Variants in UBE2R2 observed in about 807,000 individuals in gnomAD.
The protein encoded by UBE2R2 is ubiquitin-conjugating enzyme E2 R2.
UBE2R2 carries 1 observed loss-of-function variant against 27.8 expected under a neutral mutation model. The observed-to-expected ratio is 0.04, with a 90% CI of 0.01 to 0.17. UBE2R2 has a LOEUF of 0.17. Ranked by LOEUF, UBE2R2 falls within the 10% of genes least tolerant of loss-of-function variation. The pLI is 1.00. For missense variants in UBE2R2, 100 were observed against 291.0 expected, an observed-to-expected ratio of 0.34 and a Z score of 4.78; for synonymous variants, 106 against 113.3, an observed-to-expected ratio of 0.94 and a Z score of 0.41.
At chr9:33,886,121 T>C (rs1821846337) in intron 1 of UBE2R2, among the ~76,000 whole-genome samples, 1 of 152,166 alleles carries the variant, frequency 6.6e-6, no homozygotes, top group Non-Finnish European at 1.5e-5. Flanking sequence ...TTTTTAAAAA[T>C]ACGTTTTGTA....
rs1004646729 is a variant in UBE2R2, at chr9:33,895,053, A to T, written c.265-5121A>T. Among the ~76,000 whole-genome samples the T allele has an allele frequency of 1.3e-5, 2 of 152,316 alleles. 1 individual carries two copies. The highest frequency in any genetic ancestry group is 3.8e-4 in the East Asian group (2 of 5,196). ...TGTTACTGAGTTTTAGGAATTCCTT[A>T]TATATTATACATATTAAACCTTTAT... On this transcript the variant is annotated intron_variant, in intron 2 of 4. Coordinates refer to ENST00000263228, the MANE Select transcript of UBE2R2 (RefSeq NM_017811.4).
intron 1 of UBE2R2, among the ~76,000 whole-genome samples, chr9:33,853,707 C>T (rs1417609161): frequency 6.6e-6 from 1 of 151,766 alleles, no homozygotes; most frequent in Non-Finnish European, 1.5e-5. Flanking sequence ...TAATCACAGT[C>T]CTCAGTTTTA....
intron 1 of UBE2R2, among the ~76,000 whole-genome samples, chr9:33,820,768 T>C (rs1235361604): frequency 6.6e-6 from 1 of 152,272 alleles, no homozygotes; most frequent in Non-Finnish European, 1.5e-5. Context: ...TTTTTCATAC[T>C]GTAATTCCTT....
At chr9:33,916,971 TAAAAA>T in intron 4 of UBE2R2, 42 bp from the exon 5 acceptor site, 1 of 1,601,808 alleles carries the variant, frequency 6.2e-7, no homozygotes. Context: ...AAATCTGTCT[TAAAAA>T]AAGACTTACC....
intron 2 of UBE2R2, among the ~76,000 whole-genome samples, chr9:33,897,975 A>T (rs924319742): frequency 6.6e-6 from 1 of 150,660 alleles, no homozygotes; most frequent in Non-Finnish European, 1.5e-5. Context: ...GGTTTTCTCC[A>T]TGTTAGTCAG....
At chr9:33,879,254 T>C (rs550674952) in intron 1 of UBE2R2, among the ~76,000 whole-genome samples, 1 of 152,080 alleles carries the variant, frequency 6.6e-6, no homozygotes, top group Non-Finnish European at 1.5e-5. Flanking sequence ...AATCAGTCGA[T>C]CAATATAAAT....
At chr9:33,884,235 T>TCTCTCTCTCTCTCTCTCTCTC (rs71506145) in intron 1 of UBE2R2, among the ~76,000 whole-genome samples, 4 of 110,820 alleles carry the variant, frequency 3.6e-5, no homozygotes, top group Admixed American at 1.9e-4. Flanking sequence ...TCTCTCTCTC[T>TCTCTCTCTCTCTCTCTCTCTC]TCCCCCTCTC....
At chr9:33,855,535 C>T (rs951295023) in intron 1 of UBE2R2, among the ~76,000 whole-genome samples, 1 of 152,080 alleles carries the variant, frequency 6.6e-6, no homozygotes, top group South Asian at 2.1e-4. Context: ...AATCCAAGTT[C>T]GATTCAAGTT....
intron 1 of UBE2R2, among the ~76,000 whole-genome samples, chr9:33,819,957 A>C (rs216368): frequency 1.3e-5 from 2 of 152,040 alleles, no homozygotes; most frequent in African/African-American, 4.8e-5. Flanking sequence ...TTCTGACAAA[A>C]CATTGTTTAG....
chr9:33,916,604 A>G (rs540231278), intron 4 of UBE2R2, among the ~76,000 whole-genome samples: 1 of 152,298 alleles, frequency 6.6e-6, no homozygotes, highest in East Asian at 1.9e-4. Context: ...TCTATTATCT[A>G]TTCTTATTCT....
chr9:33,896,182 T>C (rs1357949674), intron 2 of UBE2R2, among the ~76,000 whole-genome samples: 4 of 152,304 alleles, frequency 2.6e-5, no homozygotes, highest in Non-Finnish European at 2.9e-5. Context: ...TGATTATGTA[T>C]CCTATAACTT....
rs1011741743 is a variant in UBE2R2 at position 33,917,078 on chromosome 9, C to A, written c.558C>A (p.Thr186=). The A allele has an allele frequency of 6.2e-7, 1 of 1,614,232 alleles. No individual in the cohort carries two copies. Among genetic ancestry groups the A allele is most frequent in the South Asian group, 1.1e-5 (1 of 91,082 alleles). The change falls in exon 5 of 5, where the codon ACC becomes ACA. Residue 186 remains threonine (T), a synonymous_variant. Transcript: ENST00000263228. ...AEKDGVKVPT[T]LAEYCIKTKV... ...AGGATGGAGTGAAGGTCCCCACAAC[C>A]CTGGCGGAATACTGCATCAAAACTA...
intron 1 of UBE2R2, among the ~76,000 whole-genome samples, chr9:33,827,838 G>A (rs1212082556): frequency 6.6e-6 from 1 of 150,828 alleles, no homozygotes; most frequent in African/African-American, 2.4e-5. Context: ...GGGCATGGTG[G>A]CACATGCCTG....
chr9:33,828,001 T>C (rs557008002), intron 1 of UBE2R2, among the ~76,000 whole-genome samples: 7 of 150,608 alleles, frequency 4.6e-5, no homozygotes, highest in African/African-American at 1.7e-4. Flanking sequence ...TAAAATAAAT[T>C]AATAAAATTA....
Position 33,918,504 on chromosome 9 carries a change from C to G in UBE2R2, c.*1267C>G, listed in dbSNP as rs1822712532. On this transcript the variant is annotated 3_prime_UTR_variant, in exon 5 of 5. Coordinates refer to ENST00000263228, the MANE Select transcript of UBE2R2 (RefSeq NM_017811.4). ...CAGGCAGTTTTTAGGCCAGATAAGGCTAGATCTTCCTGCAATGCACTTGCT... is the reference window on the plus strand; with the variant it reads ...CAGGCAGTTTTTAGGCCAGATAAGGGTAGATCTTCCTGCAATGCACTTGCT... 1 of 151,892 alleles carries G rather than the reference C, an allele frequency of 6.6e-6. No individual in the cohort carries two copies. The highest frequency in any genetic ancestry group is 2.1e-4 in the South Asian group (1 of 4,820). 9.4% of individuals were successfully genotyped at this position (151,892 alleles called of 1,614,324 possible). A position where few individuals can be genotyped will look rare whatever the true frequency, so the allele number is the denominator to read the frequency against.
intron 1 of UBE2R2, among the ~76,000 whole-genome samples, chr9:33,861,044 CGCCTCCTGGGTTCACGCCATTCTCCT>C (rs1452415738): frequency 6.6e-6 from 1 of 151,272 alleles, no homozygotes; most frequent in South Asian, 2.1e-4. Context: ...CTGCAAGCTC[CGCCTCCTGGGTTCACGCCATTCTCCT>C]GCCTCAGCCT....
chr9:33,912,255 A>G (rs1179320869), intron 4 of UBE2R2, among the ~76,000 whole-genome samples, 157 bp downstream of exon 4: 2 of 152,174 alleles, frequency 1.3e-5, no homozygotes, highest in Non-Finnish European at 2.9e-5. Flanking sequence ...CTGAGCCTAA[A>G]GAACTTTGCT....
intron 1 of UBE2R2, among the ~76,000 whole-genome samples, chr9:33,865,700 A>C (rs889241770): frequency 1.3e-5 from 2 of 152,184 alleles, no homozygotes; most frequent in Non-Finnish European, 2.9e-5. Flanking sequence ...AACTATGTAA[A>C]TAATAGTTCC....
At chr9:33,884,098 C>T (rs1330866913) in intron 1 of UBE2R2, among the ~76,000 whole-genome samples, 2 of 151,790 alleles carry the variant, frequency 1.3e-5, no homozygotes, top group African/African-American at 4.8e-5. Context: ...GTCAGGGTTG[C>T]AGTGAGCTGT....
Sources: allele counts gnomAD v4.1 joint callset (sites outside exome capture counted in the v4.1 genomes callset), GRCh38; gene constraint gnomAD v4.1.1; transcripts MANE v1.5; gene names NCBI Gene and HGNC (gene_info 2026-07-23, HGNC 2026-07-21).